ANXA4: variants seen among roughly 807,000 people sequenced by gnomAD.
ANXA4 encodes the protein annexin A4.
ANXA4 carries 39 observed loss-of-function variants against 49.8 expected under a neutral mutation model. The ratio of observed to expected loss-of-function variants is 0.78; its 90% confidence interval spans 0.61 to 1.02. The LOEUF (loss-of-function observed/expected upper bound fraction) is 1.02. ANXA4 is among the 50% of genes least tolerant of loss of function. ANXA4 has a pLI of 0.00. For synonymous variants in ANXA4, 134 were observed against 152.5 expected, an observed-to-expected ratio of 0.88 and a Z score of 0.89; for missense variants, 360 against 410.1, an observed-to-expected ratio of 0.88 and a Z score of 1.05.
intron 3 of ANXA4, among the ~76,000 whole-genome samples, chr2:69,730,564 T>C (rs945645158): frequency 6.6e-6 from 1 of 151,968 alleles, no homozygotes; most frequent in African/African-American, 2.4e-5. Context: ...AAGATGGGGG[T>C]TTCTGAGGTT....
At chr2:69,759,129 CAAAAA>C (rs35878649) in intron 1 of ANXA4, among the ~76,000 whole-genome samples, 13 of 118,874 alleles carry the variant, frequency 1.1e-4, no homozygotes, top group Non-Finnish European at 1.1e-4. Context: ...GACTCTGTCT[CAAAAA>C]AAAAAAAAAA....
rs1431538129 is a variant in ANXA4 at position 69,791,003 on chromosome 2, A to G, written c.97+2862A>G. 5.3e-5 allele frequency among the ~76,000 whole-genome samples: 8 copies of G among 152,266 alleles called. No individual in the cohort carries two copies. The East Asian group carries it at 5.8e-4, about 11-fold the overall frequency. On this transcript the variant is annotated intron_variant, in intron 3 of 12. Transcript: ENST00000394295. ...TGGCCTAATTATTTGCATAAAGTAC[A>G]GCAAGAATAATCATCCTTACATAAG...
At chr2:69,650,136 A>G (rs770011637) in intron 1 of ANXA4, among the ~76,000 whole-genome samples, 3 of 151,948 alleles carry the variant, frequency 2.0e-5, no homozygotes, top group Non-Finnish European at 4.4e-5. Flanking sequence ...GGGTTTCACC[A>G]TGTTGGCCAG....
chr2:69,672,254 C>T (rs1215635524), intron 2 of ANXA4, among the ~76,000 whole-genome samples: 1 of 151,048 alleles, frequency 6.6e-6, no homozygotes, highest in African/African-American at 2.4e-5. Context: ...TTTATTGAGA[C>T]AGAATGTCGC....
At chr2:69,789,925 G>A (rs76670727) in intron 3 of ANXA4, among the ~76,000 whole-genome samples, 2,703 of 152,152 alleles carry the variant, frequency 0.018, 51 homozygotes, top group East Asian at 0.093. Flanking sequence ...ATCTTACTGC[G>A]CCTAAAGGGA....
chr2:69,809,353 C>T (rs1673596638), intron 6 of ANXA4: 1 of 152,172 alleles, frequency 6.6e-6, no homozygotes, highest in East Asian at 1.9e-4. Context: ...GCAACCCAAT[C>T]CCCACATCTG....
At chr2:69,657,559 T>C (rs1676552813) in intron 2 of ANXA4, among the ~76,000 whole-genome samples, 1 of 152,202 alleles carries the variant, frequency 6.6e-6, no homozygotes, top group Non-Finnish European at 1.5e-5. Context: ...CTAGAACATA[T>C]ATTTTTGCCT....
chr2:69,759,263 T>C (rs1325268728), intron 1 of ANXA4, among the ~76,000 whole-genome samples: 1 of 152,180 alleles, frequency 6.6e-6, no homozygotes, highest in Admixed American at 6.5e-5. Flanking sequence ...ATGGTGATTG[T>C]ATAAAATATA....
chr2:69,671,615 C>T (rs1476181217), intron 2 of ANXA4, among the ~76,000 whole-genome samples: 2 of 152,064 alleles, frequency 1.3e-5, no homozygotes, highest in Non-Finnish European at 2.9e-5. Flanking sequence ...TTCAGCTACT[C>T]GGGGGGCTGA....
intron 1 of ANXA4, among the ~76,000 whole-genome samples, chr2:69,763,851 T>C (rs1350143700): frequency 2.0e-5 from 3 of 151,978 alleles, no homozygotes; most frequent in Non-Finnish European, 4.4e-5. Context: ...TTAGTGGAGA[T>C]GGGGTTTCGC....
intron 8 of ANXA4, 152 bp downstream of exon 8, chr2:69,812,861 C>T (rs1460922815): frequency 2.3e-5 from 16 of 698,754 alleles, no homozygotes; most frequent in Non-Finnish European, 3.5e-5. Context: ...CCTTTAATAA[C>T]AGGTTTCTTG....
upstream of ANXA4, among the ~76,000 whole-genome samples, chr2:69,740,480 G>A (rs907103283): frequency 6.6e-6 from 1 of 151,870 alleles, no homozygotes; most frequent in African/African-American, 2.4e-5. Flanking sequence ...TTGAGACAAG[G>A]TCTCACCCTG....
In ANXA4 at chr2:69,712,387, C is replaced by T. The variant is rs750715888; in HGVS notation, n.767-8387C>T. On this transcript the variant is annotated intron_variant and non_coding_transcript_variant, in intron 2 of 3. Transcript: ENST00000418066. ...CAGTAGAAAATTACCGGGTTATTCA[C>T]TCCGAGTCTAAGCAGCTGAATAGGA... 4.8e-4 allele frequency among the ~76,000 whole-genome samples: 73 copies of T among 152,234 alleles called. 1 individual carries two copies. Among genetic ancestry groups the T allele is most frequent in the Non-Finnish European group, 9.8e-4 (67 of 68,038 alleles).
chr2:69,676,797 G>A (rs1003212138), intron 2 of ANXA4, among the ~76,000 whole-genome samples: 2 of 152,128 alleles, frequency 1.3e-5, no homozygotes, highest in African/African-American at 4.8e-5. Context: ...GGAGGCTGAG[G>A]CAGGAGAATT....
At chr2:69,656,075 G>A (rs1002153170) in intron 2 of ANXA4, among the ~76,000 whole-genome samples, 1 of 151,490 alleles carries the variant, frequency 6.6e-6, no homozygotes, top group Non-Finnish European at 1.5e-5. Flanking sequence ...ACCTAATGTA[G>A]ATGATGGGTT....
intron 2 of ANXA4, among the ~76,000 whole-genome samples, chr2:69,685,195 G>A (rs1056803168): frequency 2.0e-5 from 3 of 151,994 alleles, no homozygotes; most frequent in African/African-American, 7.2e-5. Flanking sequence ...ACAGTTTCAG[G>A]CACTAGATAA....
chr2:69,783,843 C>T lies in ANXA4; in HGVS notation c.9+2269C>T, dbSNP rs1055117310. ...TTAGTTTTGCCTGTTCTAGAACATC[C>T]TATATATTGAATCATAGAGTAGGTA... On this transcript the variant is annotated intron_variant, in intron 2 of 12. Transcript: ENST00000394295. 1.1e-4 allele frequency among the ~76,000 whole-genome samples: 16 copies of T among 152,242 alleles called. 1 individual carries two copies. Among genetic ancestry groups the T allele is most frequent in the Admixed American group, 7.9e-4 (12 of 15,286 alleles).
At chr2:69,769,787 C>T (rs1012704149) in intron 1 of ANXA4, among the ~76,000 whole-genome samples, 2 of 152,152 alleles carry the variant, frequency 1.3e-5, no homozygotes, top group Non-Finnish European at 2.9e-5. Context: ...CTCAGACTCC[C>T]GGGTAGCTGG....
chr2:69,803,572 A>G (rs1373057707), intron 3 of ANXA4: 1 of 152,242 alleles, frequency 6.6e-6, no homozygotes, highest in Non-Finnish European at 1.5e-5. Flanking sequence ...TTTTGGTAAG[A>G]TGTTGTATCA....
Sources: allele counts gnomAD v4.1 joint callset (sites outside exome capture counted in the v4.1 genomes callset), GRCh38; gene constraint gnomAD v4.1.1; transcripts MANE v1.5; gene names NCBI Gene and HGNC (gene_info 2026-07-23, HGNC 2026-07-21).